BAZ2B: variants seen among roughly 807,000 people sequenced by gnomAD.
BAZ2B encodes the protein bromodomain adjacent to zinc finger domain 2B.
BAZ2B carries 91 observed loss-of-function variants against 246.0 expected under a neutral mutation model. That is an observed-to-expected ratio of 0.37 (90% CI 0.31 to 0.44). The LOEUF (loss-of-function observed/expected upper bound fraction) is 0.44. BAZ2B is among the 20% of genes least tolerant of loss of function. The pLI, the probability that BAZ2B is intolerant of heterozygous loss-of-function variation, is 1.00. For synonymous variants in BAZ2B, 855 were observed against 860.0 expected (o/e 0.99, Z 0.10); for missense variants, 2,332 against 2,533.7 (o/e 0.92, Z 1.71).
At chr2:159,519,278 G>A (rs1238712032) in intron 2 of BAZ2B, among the ~76,000 whole-genome samples, 1 of 122,584 alleles carries the variant, frequency 8.2e-6, no homozygotes, top group Non-Finnish European at 1.6e-5. Flanking sequence ...GCCGGACTGC[G>A]GACTGCAGTG....
chr2:159,347,181 C>T (rs527604104), intron 31 of BAZ2B, among the ~76,000 whole-genome samples: 16 of 152,158 alleles, frequency 1.1e-4, no homozygotes, highest in East Asian at 3.9e-4. Flanking sequence ...TAAAGAACTG[C>T]GCATCGGAAA....
intron 33 of BAZ2B, among the ~76,000 whole-genome samples, chr2:159,334,154 T>C (rs1331497812): frequency 6.6e-6 from 1 of 152,176 alleles, no homozygotes; most frequent in Non-Finnish European, 1.5e-5. Context: ...TAGGCAACTA[T>C]AAATGCTACA....
intron 3 of BAZ2B, among the ~76,000 whole-genome samples, chr2:159,472,601 G>C (rs1223282641): frequency 6.6e-6 from 1 of 152,188 alleles, no homozygotes; most frequent in Non-Finnish European, 1.5e-5. Flanking sequence ...AGCCCATTCA[G>C]TATGATATTG....
At chr2:159,351,727 T>C (rs2058588692) in intron 27 of BAZ2B, among the ~76,000 whole-genome samples, 1 of 152,212 alleles carries the variant, frequency 6.6e-6, no homozygotes, top group African/African-American at 2.4e-5. Flanking sequence ...TTTATTGGTA[T>C]TTCTCTTTTG....
At chr2:159,361,696 G>T (rs543357337) in intron 27 of BAZ2B, among the ~76,000 whole-genome samples, 2 of 152,190 alleles carry the variant, frequency 1.3e-5, no homozygotes, top group South Asian at 4.2e-4. Flanking sequence ...CAAAGACTTG[G>T]AACCAACTCA....
intron 2 of BAZ2B, among the ~76,000 whole-genome samples, chr2:159,511,045 A>G (rs1035934812): frequency 1.3e-5 from 2 of 152,230 alleles, no homozygotes; most frequent in Admixed American, 1.3e-4. Context: ...GATTAGTAAT[A>G]GCGCAGATTG....
At chr2:159,545,314 T>A (rs1037201981) in intron 2 of BAZ2B, among the ~76,000 whole-genome samples, 8 of 152,234 alleles carry the variant, frequency 5.3e-5, no homozygotes. Context: ...TTACATCTCC[T>A]TGCTTAGTTC....
chr2:159,580,982 A>G (rs1432211224), intron 1 of BAZ2B, among the ~76,000 whole-genome samples: 1 of 152,212 alleles, frequency 6.6e-6, no homozygotes, highest in African/African-American at 2.4e-5. Context: ...AAACCTAGAC[A>G]ATACCATTCA....
the BAZ2B span, chr2:159,711,839 T>G: frequency 1.3e-5 from 2 of 152,234 alleles, no homozygotes; most frequent in East Asian, 1.9e-4. Flanking sequence ...ATTTGTTTAC[T>G]GCAAAATCGA....
At chr2:159,428,490 TAA>T in intron 11 of BAZ2B, 71 bp from the exon 12 acceptor site, 1 of 1,196,080 alleles carries the variant, frequency 8.4e-7, no homozygotes, top group Non-Finnish European at 1.2e-6. Context: ...AAAAATAAGT[TAA>T]AGTATACATG....
chr2:159,673,727 T>G, the BAZ2B span, among the ~76,000 whole-genome samples: 5 of 152,076 alleles, frequency 3.3e-5, no homozygotes, highest in Non-Finnish European at 7.4e-5. Context: ...CACGATATAT[T>G]AGCCAAAAAT....
intron 20 of BAZ2B, among the ~76,000 whole-genome samples, chr2:159,391,102 G>A (rs58139576): frequency 0.027 from 4,079 of 152,158 alleles, 77 homozygotes; most frequent in African/African-American, 0.064. Flanking sequence ...GTTGCTCTAA[G>A]AACTTTCCAA....
chr2:159,597,055 T>A (rs1030498818), intron 1 of BAZ2B, among the ~76,000 whole-genome samples: 1 of 152,192 alleles, frequency 6.6e-6, no homozygotes, highest in Admixed American at 6.5e-5. Flanking sequence ...CATGCCAACA[T>A]CTATTATTTT....
intron 2 of BAZ2B, among the ~76,000 whole-genome samples, chr2:159,519,210 CTTTTTTTTTTT>C (rs564614568): frequency 2.6e-4 from 15 of 57,776 alleles, no homozygotes; most frequent in South Asian, 7.0e-4. Flanking sequence ...ATTCTATTTT[CTTTTTTTTTTT>C]TTTTTTTTTT....
chr2:159,671,025 C>T, the BAZ2B span, among the ~76,000 whole-genome samples: 1 of 152,170 alleles, frequency 6.6e-6, no homozygotes, highest in South Asian at 2.1e-4. Context: ...GTAAAGCAAA[C>T]TTTTCTCTGT....
chr2:159,631,011 T>G, the BAZ2B span, among the ~76,000 whole-genome samples: 1 of 151,836 alleles, frequency 6.6e-6, no homozygotes, highest in East Asian at 1.9e-4. Flanking sequence ...CTCGGCAACG[T>G]GGTGAAACCC....
intron 1 of BAZ2B, among the ~76,000 whole-genome samples, chr2:159,557,771 C>T (rs767051308): frequency 1.3e-5 from 2 of 152,186 alleles, no homozygotes; most frequent in Non-Finnish European, 2.9e-5. Flanking sequence ...CAAGTTCCTA[C>T]TGCATCCAGC....
intron 20 of BAZ2B, among the ~76,000 whole-genome samples, chr2:159,394,366 C>T (rs1160469799): frequency 6.6e-6 from 1 of 152,104 alleles, no homozygotes; most frequent in Non-Finnish European, 1.5e-5. Flanking sequence ...GAATACGTTA[C>T]CTCTCTCTTT....
chr2:159,359,173 T>C (rs966031570), intron 27 of BAZ2B, among the ~76,000 whole-genome samples: 11 of 151,978 alleles, frequency 7.2e-5, no homozygotes, highest in African/African-American at 2.7e-4. Context: ...CAGGAGCTGG[T>C]TTTTTGAAAA....
Sources: allele counts gnomAD v4.1 joint callset (sites outside exome capture counted in the v4.1 genomes callset), GRCh38; gene constraint gnomAD v4.1.1; transcripts MANE v1.5; gene names NCBI Gene and HGNC (gene_info 2026-07-23, HGNC 2026-07-21).